The following MAGI2 variants were observed in gnomAD, a reference collection of about 807,000 sequenced individuals.
MAGI2 encodes membrane associated guanylate kinase, WW and PDZ domain containing 2.
Under a neutral mutation model 133.3 loss-of-function variants are expected in MAGI2, and 35 were observed. That is an observed-to-expected ratio of 0.26 (90% CI 0.20 to 0.35). The LOEUF is 0.35. MAGI2 is among the 10% of genes least tolerant of loss of function. The probability of loss-of-function intolerance (pLI) is 1.00; values close to 1 mark genes in which losing one functional copy is unlikely to be tolerated. For synonymous variants in MAGI2, 729 were observed against 710.6 expected (o/e 1.03, Z -0.41); for missense variants, 1,636 against 1,863.4 (o/e 0.88, Z 2.25).
intron 1 of MAGI2, among the ~76,000 whole-genome samples, chr7:79,054,179 T>G (rs978748011): frequency 6.6e-6 from 1 of 151,990 alleles, no homozygotes; most frequent in Non-Finnish European, 1.5e-5. Context: ...TTGGGCGACA[T>G]AGCGAGACTC....
chr7:78,132,093 T>C (rs960621520), intron 18 of MAGI2, among the ~76,000 whole-genome samples: 1 of 152,198 alleles, frequency 6.6e-6, no homozygotes, highest in African/African-American at 2.4e-5. Context: ...CAGGCTGGTC[T>C]TGAACTCCTG....
At chr7:79,441,275 T>C (rs6466652) in intron 1 of MAGI2, among the ~76,000 whole-genome samples, 3,053 of 152,298 alleles carry the variant, frequency 0.02, 117 homozygotes, top group African/African-American at 0.07. Context: ...AACAATTTCT[T>C]TAGTAACTAA....
At chr7:79,128,186 CTT>C (rs34723024) in intron 1 of MAGI2, among the ~76,000 whole-genome samples, 3 of 147,118 alleles carry the variant, frequency 2.0e-5, no homozygotes, top group Admixed American at 6.8e-5. Flanking sequence ...AATCTCTCTC[CTT>C]TTTTTTTTGA....
At chr7:78,650,745 A>G (rs1362177560) in intron 2 of MAGI2, among the ~76,000 whole-genome samples, 1 of 152,202 alleles carries the variant, frequency 6.6e-6, no homozygotes, top group Non-Finnish European at 1.5e-5. Flanking sequence ...TCTGCTGACT[A>G]TTAATCATTT....
chr7:78,720,613 C>T (rs1378955002), intron 2 of MAGI2, among the ~76,000 whole-genome samples: 3 of 151,990 alleles, frequency 2.0e-5, no homozygotes, highest in African/African-American at 7.2e-5. Context: ...ATTTGTGGTA[C>T]AGGACACCAC....
At chr7:79,449,494 C>A (rs1250310068) in intron 1 of MAGI2, among the ~76,000 whole-genome samples, 1 of 151,780 alleles carries the variant, frequency 6.6e-6, no homozygotes, top group Non-Finnish European at 1.5e-5. Context: ...GCCTGTGTAA[C>A]TGGCTGCTGT....
intron 10 of MAGI2, among the ~76,000 whole-genome samples, chr7:78,208,939 C>T (rs1244033513): frequency 6.6e-6 from 1 of 151,792 alleles, no homozygotes. Context: ...AGACAGGAAC[C>T]TGGCCGGGCG....
At chr7:78,194,720 T>G (rs761858980) in intron 12 of MAGI2, among the ~76,000 whole-genome samples, 154 bp downstream of exon 12, 2 of 152,170 alleles carry the variant, frequency 1.3e-5, no homozygotes, top group African/African-American at 2.4e-5. Flanking sequence ...GTCAACAGGC[T>G]TTCTAAGATA....
At chr7:79,128,824 T>A (rs1475575972) in intron 1 of MAGI2, among the ~76,000 whole-genome samples, 1 of 152,194 alleles carries the variant, frequency 6.6e-6, no homozygotes, top group East Asian at 1.9e-4. Flanking sequence ...TTTCCTTAGT[T>A]GAAAATGCAT....
intron 1 of MAGI2, among the ~76,000 whole-genome samples, chr7:79,143,350 G>A (rs1043400453): frequency 1.3e-4 from 20 of 152,304 alleles, no homozygotes; most frequent in African/African-American, 4.3e-4. Context: ...CTCTGTTTCA[G>A]TATTAAGTGA....
intron 2 of MAGI2, among the ~76,000 whole-genome samples, chr7:78,867,408 G>C (rs1031178670): frequency 6.6e-6 from 1 of 151,084 alleles, no homozygotes; most frequent in African/African-American, 2.4e-5. Context: ...GATGAAATTG[G>C]AAATCATCAT....
At chr7:79,157,850 GTTTTTTTTT>G (rs35889003) in intron 1 of MAGI2, among the ~76,000 whole-genome samples, 2 of 84,136 alleles carry the variant, frequency 2.4e-5, no homozygotes, top group East Asian at 6.8e-4. Flanking sequence ...TATCTAACAA[GTTTTTTTTT>G]TTTTTTTTTT....
chr7:79,407,677 TAAGAA>T (rs1333828852), intron 1 of MAGI2, among the ~76,000 whole-genome samples: 2 of 152,106 alleles, frequency 1.3e-5, no homozygotes, highest in East Asian at 3.9e-4. Context: ...TTAGTTTTGT[TAAGAA>T]AAGCAAATTC....
intron 2 of MAGI2, among the ~76,000 whole-genome samples, chr7:78,788,539 A>AT (rs1223541833): frequency 7.7e-4 from 112 of 145,006 alleles, no homozygotes; most frequent in Non-Finnish European, 1.1e-3. Context: ...GGATCTCTTC[A>AT]TTTTTTTTTA....
Position 78,997,490 on chromosome 7 carries a change from TA to T in MAGI2, c.418+9599del, listed in dbSNP as rs554915629. ...GGTGGTGGTCGCCTGTAATCCTAAC[TA>T]CTTGGGAGGCTGAGGCAGAAGAATC... On this transcript the variant is annotated intron_variant, in intron 2 of 21. Transcript: ENST00000354212. 1.2e-3 allele frequency among the ~76,000 whole-genome samples: 186 copies of T among 151,630 alleles called. 2 individuals are homozygous for T. Among genetic ancestry groups the T allele is most frequent in the African/African-American group, 4.3e-3 (178 of 41,308 alleles).
intron 6 of MAGI2, among the ~76,000 whole-genome samples, chr7:78,406,308 T>A (rs1177186302): frequency 1.3e-5 from 2 of 152,038 alleles, no homozygotes; most frequent in Admixed American, 1.3e-4. Flanking sequence ...TAACAGTATT[T>A]AAATTTAACC....
intron 2 of MAGI2, among the ~76,000 whole-genome samples, chr7:78,728,400 G>C (rs1367898052): frequency 6.6e-6 from 1 of 152,004 alleles, no homozygotes; most frequent in South Asian, 2.1e-4. Context: ...AATGCACATT[G>C]GTTCTTACTC....
Position 79,084,538 on chromosome 7 carries a change from A to G in MAGI2, c.302-77332T>C, listed in dbSNP as rs1280468785. On this transcript the variant is annotated intron_variant, in intron 1 of 21. Coordinates refer to ENST00000354212, the MANE Select transcript of MAGI2 (RefSeq NM_012301.4). ...TATGTTAAATGACTTCAGTTTTTCAATGTTTACTGATACTTGTTTTGTGGC... is the reference window on the plus strand; with the variant it reads ...TATGTTAAATGACTTCAGTTTTTCAGTGTTTACTGATACTTGTTTTGTGGC... Among the ~76,000 whole-genome samples the G allele has an allele frequency of 4.6e-5, 7 of 151,800 alleles. No homozygotes were observed. In the South Asian group the frequency reaches 8.3e-4, roughly 18 times the overall value.
At chr7:78,859,971 C>G (rs1794017715) in intron 2 of MAGI2, among the ~76,000 whole-genome samples, 1 of 152,130 alleles carries the variant, frequency 6.6e-6, no homozygotes, top group African/African-American at 2.4e-5. Context: ...CTTCTCTTCT[C>G]TCTTCATTTC....
Sources: allele counts gnomAD v4.1 joint callset (sites outside exome capture counted in the v4.1 genomes callset), GRCh38; gene constraint gnomAD v4.1.1; transcripts MANE v1.5; gene names NCBI Gene and HGNC (gene_info 2026-07-23, HGNC 2026-07-21).